The following RAB13 variants were observed in gnomAD, a reference collection of about 807,000 sequenced individuals.
The protein encoded by RAB13 is ras-related protein Rab-13.
In RAB13, 15 loss-of-function variants were observed where a neutral mutation model predicts 29.3. The ratio of observed to expected loss-of-function variants is 0.51; its 90% CI spans 0.34 to 0.79. The LOEUF (loss-of-function observed/expected upper bound fraction) is 0.79, where lower values mean the gene tolerates loss of function less well. RAB13 is among the 30% of genes least tolerant of loss of function. RAB13 has a pLI of 0.01. For missense variants in RAB13, 186 were observed against 255.5 expected (o/e 0.73, Z 1.85); for synonymous variants, 82 against 93.8 (o/e 0.87, Z 0.73).
At chr1:153,987,010 CG>C (rs1429831613), upstream of RAB13, among the ~76,000 whole-genome samples, 1 of 152,134 alleles carries the variant, frequency 6.6e-6, no homozygotes, top group African/African-American at 2.4e-5. Context: ...TCAGTTGGAA[CG>C]ATCTCTCTTA....
intron 4 of RAB13, 45 bp downstream of exon 4, chr1:153,983,174 T>C: frequency 7.2e-6 from 11 of 1,527,808 alleles, no homozygotes; most frequent in Non-Finnish European, 1.0e-5. Context: ...CCCTTCATTC[T>C]CCAGGTTCTA....
intron 2 of RAB13, 22 bp from the exon 3 acceptor site, chr1:153,983,603 T>G (rs779339153): frequency 6.3e-7 from 1 of 1,575,234 alleles, no homozygotes; most frequent in Non-Finnish European, 8.7e-7. Flanking sequence ...GAAGTTTTCA[T>G]GGGATGGAAT....
intron 3 of RAB13, 85 bp from the exon 4 acceptor site, chr1:153,983,381 A>G: frequency 6.8e-7 from 1 of 1,479,830 alleles, no homozygotes; most frequent in Non-Finnish European, 9.5e-7. Context: ...CCATGGGTCT[A>G]AACACTAGGC....
chr1:153,990,670 C>T, upstream of RAB13: 2 of 1,315,628 alleles, frequency 1.5e-6, no homozygotes, highest in Admixed American at 3.5e-5. Context: ...TGCGGCGGAT[C>T]AAAGTAAGAC....
upstream of RAB13, among the ~76,000 whole-genome samples, chr1:153,987,697 T>C (rs900032195): frequency 2.8e-5 from 4 of 144,186 alleles, no homozygotes; most frequent in African/African-American, 1.0e-4. Context: ...CCCAGCACTT[T>C]GGGAGGCCAA....
upstream of RAB13, among the ~76,000 whole-genome samples, chr1:153,987,540 GAA>G (rs1196982628): frequency 6.9e-6 from 1 of 144,546 alleles, no homozygotes; most frequent in Non-Finnish European, 1.5e-5. Context: ...AAGAAAGAAA[GAA>G]AGAGAGTAAA....
chr1:153,982,494 A>G (rs1156449370), intron 6 of RAB13, 41 bp downstream of exon 6: 1 of 1,607,260 alleles, frequency 6.2e-7, no homozygotes, highest in Admixed American at 1.7e-5. Flanking sequence ...CTACCTTCTA[A>G]TACTTCCTCT....
chr1:153,988,698 C>T (rs1649259213), upstream of RAB13, among the ~76,000 whole-genome samples: 1 of 149,550 alleles, frequency 6.7e-6, no homozygotes, highest in African/African-American at 2.4e-5. Context: ...ACCGCAGCTT[C>T]CGCCTCCCTG....
intron 2 of RAB13, 53 bp from the exon 3 acceptor site, chr1:153,983,634 G>A (rs374561471): frequency 2.1e-6 from 3 of 1,450,088 alleles, no homozygotes; most frequent in South Asian, 1.2e-5. Context: ...ATTCTCCAAC[G>A]GAATAATTCT....
upstream of RAB13, among the ~76,000 whole-genome samples, chr1:153,988,332 G>C (rs1441700928): frequency 4.2e-5 from 5 of 119,714 alleles, no homozygotes; most frequent in Non-Finnish European, 8.4e-5. Flanking sequence ...TTGCTCTGTC[G>C]ACCTAGGCTG....
At chr1:153,988,104 C>A (rs967165028), upstream of RAB13, among the ~76,000 whole-genome samples, 8 of 151,498 alleles carry the variant, frequency 5.3e-5, no homozygotes, top group African/African-American at 1.9e-4. Flanking sequence ...TGTGCCTCAG[C>A]CTCTGGAGTA....
At chr1:153,982,311 AC>A in intron 7 of RAB13, 79 bp downstream of exon 7, 2 of 1,449,652 alleles carry the variant, frequency 1.4e-6, no homozygotes, top group South Asian at 1.2e-5. Context: ...CAACACACAC[AC>A]ACACACACAC....
chr1:153,984,872 C>A (rs1475551073), intron 1 of RAB13, 91 bp from the exon 2 acceptor site: 79 of 1,445,562 alleles, frequency 5.5e-5, no homozygotes, highest in Non-Finnish European at 7.2e-5. Flanking sequence ...GCAGTGCTGG[C>A]ACCAGAAATT....
chr1:153,981,770 A>T lies in RAB13; in HGVS notation c.*329T>A, dbSNP rs1015408595. 22 of 360,728 alleles carry T rather than the reference A, an allele frequency of 6.1e-5. No homozygotes were observed. Among genetic ancestry groups the T allele is most frequent in the African/African-American group, 4.1e-4 (20 of 48,410 alleles). The allele number at this position is 360,728 out of a possible 1,614,324, so 22.3% of individuals were successfully genotyped here. On this transcript the variant is annotated 3_prime_UTR_variant, in exon 8 of 8. Coordinates refer to ENST00000368575, the MANE Select transcript of RAB13 (RefSeq NM_002870.5). ...CAGGACCCTAAAACCTGATCTAGTAACAGAATAAATCAGTGTATTTACATT... is the reference window on the plus strand; with the variant it reads ...CAGGACCCTAAAACCTGATCTAGTATCAGAATAAATCAGTGTATTTACATT...
At chr1:153,989,403 C>A (rs1571133067), upstream of RAB13, among the ~76,000 whole-genome samples, 2 of 151,226 alleles carry the variant, frequency 1.3e-5, no homozygotes, top group Admixed American at 6.6e-5. Context: ...GCGCCCGCCA[C>A]CGCGCCCGGC....
intron 2 of RAB13, 47 bp from the exon 3 acceptor site, chr1:153,983,628 T>G: frequency 6.7e-7 from 1 of 1,485,800 alleles, no homozygotes; most frequent in Non-Finnish European, 9.4e-7. Context: ...GGAAGAATTC[T>G]CCAACGGAAT....
chr1:153,984,929 TAGG>T, intron 1 of RAB13, 148 bp from the exon 2 acceptor site: 1 of 1,384,010 alleles, frequency 7.2e-7, no homozygotes. Flanking sequence ...AATGCCAAGC[TAGG>T]AGAATTTTCC....
upstream of RAB13, chr1:153,990,664 G>C (rs1316240049): frequency 1.6e-6 from 2 of 1,233,230 alleles, no homozygotes; most frequent in African/African-American, 3.0e-5. Flanking sequence ...CCCCACTGCG[G>C]CGGATCAAAG....
Position 153,982,750 on chromosome 1 carries a change from T to G in RAB13, c.383A>C (p.Lys128Thr). The G allele has an allele frequency of 6.2e-7, 1 of 1,614,186 alleles. No individual in the cohort carries two copies. The highest frequency in any genetic ancestry group is 1.1e-5 in the South Asian group (1 of 91,078). Residue 128 changes from lysine (K) to threonine (T), a missense_variant, in exon 5 of 8, where the codon AAG becomes ACG. Coordinates refer to ENST00000368575, the MANE Select transcript of RAB13 (RefSeq NM_002870.5). ...LLGNKCDMEA[K>T]RKVQKEQADK... The stretch of plus-strand genomic sequence containing the variant: ...GGCCTGCTCCTTCTGCACCTTCCTC[T>G]TGGCCTCCATGTCACATTTGTTCCC...
Sources: gnomAD v4.1 joint callset for allele counts (sites outside exome capture counted in the v4.1 genomes callset) on GRCh38, gnomAD v4.1.1 for gene constraint, MANE v1.5 for transcripts, NCBI Gene and HGNC (gene_info 2026-07-23, HGNC 2026-07-21) for gene names.